Variants in CHD8 observed in about 807,000 individuals in gnomAD.
The protein encoded by CHD8 is chromodomain helicase DNA binding protein 8, also known as ATP-dependent chromatin remodeler CHD8.
CHD8 carries 31 observed loss-of-function variants against 279.2 expected under a neutral mutation model. The observed-to-expected ratio is 0.11, with a 90% CI of 0.08 to 0.15. CHD8 has a LOEUF of 0.15. Ranked by LOEUF, CHD8 falls within the 10% of genes least tolerant of loss-of-function variation. The pLI, the probability that CHD8 is intolerant of heterozygous loss-of-function variation, is 1.00. For missense variants in CHD8, 2,146 were observed against 3,230.5 expected, an observed-to-expected ratio of 0.66 and a Z score of 8.14; for synonymous variants, 1,081 against 1,139.6, an observed-to-expected ratio of 0.95 and a Z score of 1.04.
At chr14:21,395,616 G>A in intron 28 of CHD8, 1 of 594,904 alleles carries the variant, frequency 1.7e-6, no homozygotes. Flanking sequence ...TCAGTGTCCA[G>A]CTCCTCCATA....
At chr14:21,419,837 T>A in intron 5 of CHD8, 1 of 371,992 alleles carries the variant, frequency 2.7e-6, no homozygotes, top group Non-Finnish European at 5.5e-6. Flanking sequence ...TGCCCACCAT[T>A]CCTGGGGTCA....
intron 4 of CHD8, 100 bp from the exon 5 acceptor site, chr14:21,426,342 C>A (rs1334783237): frequency 4.7e-6 from 3 of 642,048 alleles, no homozygotes; most frequent in Non-Finnish European, 8.1e-6. Context: ...AACTTCCAGA[C>A]AGAAGTTTTT....
rs921699201 is a variant in CHD8 at position 21,395,885 on chromosome 14, A to G, written c.5059T>C (p.Phe1687Leu). 1 of 1,609,756 alleles carries G rather than the reference A, an allele frequency of 6.2e-7. No homozygotes were observed. Among genetic ancestry groups the G allele is most frequent in the Non-Finnish European group, 8.5e-7 (1 of 1,176,318 alleles). The stretch of plus-strand genomic sequence containing the variant: ...TCAGGATCTTCACAATCTTTATCAA[A>G]GTCAACCCTAAAATTATGGAGAGGC... ...NFSDIVEGVDFDKDCEDPEYK... is the reference protein window; with the variant it reads ...NFSDIVEGVDLDKDCEDPEYK... Residue 1687 changes from phenylalanine to leucine, a missense_variant, in exon 28 of 38, where the codon TTT becomes CTT. Transcript: ENST00000646647.
chr14:21,386,319 T>C, intron 37 of CHD8, 143 bp from the exon 38 acceptor site: 2 of 707,890 alleles, frequency 2.8e-6, no homozygotes, highest in Non-Finnish European at 4.6e-6. Context: ...ATACTAGGCT[T>C]GATTGGTGGT....
rs769944331 is a variant in CHD8 at position 21,408,839 on chromosome 14, C to T, written c.2365-14G>A. ...CTGCGGACGATTCTAAAAAACAAGA[C>T]GTTTGAATAAATGGAGTGGAGACAT... is the stretch of plus-strand genomic sequence containing the variant. On this transcript the variant is annotated splice_polypyrimidine_tract_variant and intron_variant, in intron 11 of 37. Coordinates refer to ENST00000646647, the MANE Select transcript of CHD8 (RefSeq NM_001170629.2). This position sits in a 1 kb window ranked among gnomAD's most constrained non-coding sequence, Gnocchi z 4.3. 5 of 1,600,236 alleles carry T rather than the reference C, an allele frequency of 3.1e-6. No individual in the cohort carries two copies. The highest frequency in any genetic ancestry group is 2.2e-5 in the East Asian group (1 of 44,636).
rs982580250 is a variant in CHD8 at position 21,392,771 on chromosome 14, C to T, written c.6507G>A (p.Gln2169=). 1.9e-6 allele frequency: 3 copies of T among 1,613,796 alleles called. No individual in the cohort carries two copies. The highest frequency in any genetic ancestry group is 3.3e-5 in the Admixed American group (2 of 59,984). ...AAGGCCACTTCCCTGAGAGTACAGC[C>T]TGGCAGACGAGGTCAATACGGTTTA... is the stretch of plus-strand genomic sequence containing the variant. ...VLINRIDLVC[Q]AVLSGKWPSS... The change falls in exon 34 of 38, where the codon CAG becomes CAA. Residue 2169 remains glutamine, a synonymous_variant. Coordinates refer to ENST00000646647, the MANE Select transcript of CHD8 (RefSeq NM_001170629.2).
rs556045195 is a variant in CHD8, at chr14:21,407,508, TA to T, written c.2731-477del. 5.0e-3 allele frequency among the ~76,000 whole-genome samples: 761 copies of T among 151,914 alleles called. 8 individuals are homozygous for T. The highest frequency in any genetic ancestry group is 0.017 in the African/African-American group (722 of 41,438). On this transcript the variant is annotated intron_variant, in intron 13 of 37. Coordinates refer to ENST00000646647, the MANE Select transcript of CHD8 (RefSeq NM_001170629.2). ...ATGAAAAGATGTGATTTGGTAGAAA[TA>T]AAAAAAAGAAAACTAATAGAGAAAC...
chr14:21,429,438 G>T, intron 2 of CHD8, 103 bp from the exon 3 acceptor site: 1 of 1,162,820 alleles, frequency 8.6e-7, no homozygotes, highest in Non-Finnish European at 1.3e-6. Context: ...AAAACTACAG[G>T]TCAGAAGACA....
chr14:21,426,292 G>C, intron 4 of CHD8, 50 bp from the exon 5 acceptor site: 2 of 960,236 alleles, frequency 2.1e-6, no homozygotes, highest in Non-Finnish European at 3.2e-6. Context: ...AGAAAATTTA[G>C]GAGTAAAAAA....
chr14:21,401,262 G>A (rs1888022613), intron 21 of CHD8, 141 bp downstream of exon 21: 3 of 745,608 alleles, frequency 4.0e-6, no homozygotes, highest in Non-Finnish European at 6.4e-6. Flanking sequence ...GGCCTCCTAG[G>A]TAGAAAGTAT....
At chr14:21,387,015 C>A (rs1323873583) in intron 37 of CHD8, among the ~76,000 whole-genome samples, 1 of 152,162 alleles carries the variant, frequency 6.6e-6, no homozygotes, top group African/African-American at 2.4e-5. Context: ...AGAAACTCCT[C>A]ACTAAATTTA....
intron 27 of CHD8, 122 bp from the exon 28 acceptor site, chr14:21,396,014 T>C: frequency 2.8e-6 from 2 of 719,026 alleles, no homozygotes; most frequent in Non-Finnish European, 4.8e-6. Context: ...AGTATTATTT[T>C]TGAGACAGGT....
At chr14:21,399,527 A>T in intron 26 of CHD8, 75 bp downstream of exon 26, 1 of 997,842 alleles carries the variant, frequency 1.0e-6, no homozygotes, top group South Asian at 1.3e-5. Flanking sequence ...ATTTCTCAGG[A>T]GCATTTTGCT....
chr14:21,435,074 G>A (rs1229347396), intron 1 of CHD8, among the ~76,000 whole-genome samples: 2 of 152,212 alleles, frequency 1.3e-5, no homozygotes, highest in Admixed American at 6.5e-5. Flanking sequence ...AAAAGCCAGT[G>A]TTGGCCCACC....
chr14:21,429,913 G>A (rs1224982325), intron 2 of CHD8: 1 of 179,632 alleles, frequency 5.6e-6, no homozygotes, highest in Admixed American at 5.4e-5. Flanking sequence ...AAAGTGCTGG[G>A]ACTATCAGCT....
chr14:21,391,660 ACCC>A lies in CHD8; in HGVS notation c.6886-21_6886-19del, dbSNP rs1566410285. 1.0e-6 allele frequency: 1 copy of A among 957,774 alleles called. No homozygotes were observed. The highest frequency in any genetic ancestry group is 1.9e-5 in the African/African-American group (1 of 52,728). 59.3% of individuals were successfully genotyped at this position (957,774 alleles called of 1,614,324 possible). A position where few individuals can be genotyped will look rare whatever the true frequency, so the allele number is the denominator to read the frequency against. On this transcript the variant is annotated intron_variant, in intron 35 of 37. Transcript: ENST00000646647. ...ACCTCCAGCTGCAAACCCAGAATCC[ACCC>A]CCATGAGCACATACTCTTCTTTGGG...
chr14:21,402,118 T>C lies in CHD8; in HGVS notation c.3901A>G (p.Lys1301Glu). The change falls in exon 20 of 38, where the codon AAG becomes GAG. Residue 1301 changes from lysine (K) to glutamate (E), a missense_variant. This residue lies in a region of CHD8 where 35 missense variants were observed against 82.4 expected (regional missense o/e 0.42). Transcript: ENST00000646647. The surrounding 1 kb of genome is among the most constrained non-coding windows in gnomAD (Gnocchi z 4.5). ...TTTCTTAAAAGATCTTCAATCTCCT[T>C]CTTAGAGAACTGTTGGATCTGTAAA... Reference protein sequence around the residue: ...NITGIQQFSKKEIEDLLRKGA... With the variant: ...NITGIQQFSKEEIEDLLRKGA... The C allele has an allele frequency of 6.2e-7, 1 of 1,608,034 alleles. No individual in the cohort carries two copies. Among genetic ancestry groups the C allele is most frequent in the South Asian group, 1.1e-5 (1 of 89,748 alleles).
Position 21,405,789 on chromosome 14 carries a change from C to G in CHD8, c.2983G>C (p.Glu995Gln), listed in dbSNP as rs1290627322. ...EELFSLLHFLEPSQFPSESEF... is the reference protein window; with the variant it reads ...EELFSLLHFLQPSQFPSESEF... ...GATTCTGAGGGAAATTGTGACGGTT[C>G]CAAGAAATGAAGCAAGCTAAACAGT... Residue 995 changes from glutamate (E) to glutamine (Q), a missense_variant, in exon 15 of 38, where the codon GAA becomes CAA. By Grantham distance (29) the Glu-to-Gln change is conservative. Around this residue, in one of 26 missense-constraint regions of CHD8, gnomAD observed 211 missense variants for 464.7 expected, o/e 0.45. Transcript: ENST00000646647. The surrounding 1 kb of genome is among the most constrained non-coding windows in gnomAD (Gnocchi z 4.2). 6.2e-7 allele frequency: 1 copy of G among 1,613,718 alleles called. No homozygotes were observed. Among genetic ancestry groups the G allele is most frequent in the Non-Finnish European group, 8.5e-7 (1 of 1,179,808 alleles).
At chr14:21,450,570 C>T (rs375100154) in intron 1 of CHD8, among the ~76,000 whole-genome samples, 1 of 152,038 alleles carries the variant, frequency 6.6e-6, no homozygotes, top group East Asian at 1.9e-4. Context: ...GGGAGGACTA[C>T]TTGGGCCAAA....
Sources: gnomAD v4.1 joint callset for allele counts (sites outside exome capture counted in the v4.1 genomes callset) on GRCh38, gnomAD v4.1.1 for gene constraint, gnomAD v4.1.1 regional missense constraint, Gnocchi (gnomAD v3.1) non-coding constraint, MANE v1.5 for transcripts, NCBI Gene and HGNC (gene_info 2026-07-23, HGNC 2026-07-21) for gene names.